The following SLC8A1 variants were observed in gnomAD, a reference collection of about 807,000 sequenced individuals.
The protein encoded by SLC8A1 is solute carrier family 8 member A1.
In SLC8A1, 18 loss-of-function variants were observed where a neutral mutation model predicts 68.3. The observed-to-expected ratio is 0.26, with a 90% CI of 0.18 to 0.39. The LOEUF is 0.39. Ranked by LOEUF, SLC8A1 falls within the 10% of genes least tolerant of loss-of-function variation. The probability of loss-of-function intolerance (pLI) is 1.00; values close to 1 mark genes in which losing one functional copy is unlikely to be tolerated. For synonymous variants in SLC8A1, 475 were observed against 415.5 expected, an observed-to-expected ratio of 1.14 and a Z score of -1.74; for missense variants, 985 against 1,156.7, an observed-to-expected ratio of 0.85 and a Z score of 2.15.
At chr2:40,339,179 T>A (rs146791820) in intron 2 of SLC8A1, among the ~76,000 whole-genome samples, 2 of 152,220 alleles carry the variant, frequency 1.3e-5, no homozygotes, top group East Asian at 3.8e-4. Flanking sequence ...TTAGTAAGCA[T>A]TGAAATGATA....
chr2:40,286,507 C>T lies in SLC8A1; in HGVS notation c.1809-108652G>A, dbSNP rs532543015. ...AAGACAGTTTTGTGACCAGTGAACT[C>T]CGTGGATCAGCCTTTGATGGACAAA... On this transcript the variant is annotated intron_variant, in intron 2 of 7. Transcript: ENST00000406785. 2.7e-3 allele frequency among the ~76,000 whole-genome samples: 414 copies of T among 152,232 alleles called. 1 individual carries two copies. Among genetic ancestry groups the T allele is most frequent in the Middle Eastern group, 0.01 (3 of 294 alleles).
At chr2:40,402,992 CTAAT>C (rs1431757236) in intron 2 of SLC8A1, among the ~76,000 whole-genome samples, 3 of 152,162 alleles carry the variant, frequency 2.0e-5, no homozygotes, top group Admixed American at 6.5e-5. Flanking sequence ...AATTTTTCCC[CTAAT>C]TAGACATTTG....
intron 7 of SLC8A1, among the ~76,000 whole-genome samples, chr2:40,119,446 T>C (rs985880322): frequency 2.0e-5 from 3 of 152,198 alleles, no homozygotes; most frequent in African/African-American, 7.2e-5. Context: ...CCAAATTACC[T>C]TTTATTGCCG....
intron 2 of SLC8A1, among the ~76,000 whole-genome samples, chr2:40,258,308 G>C (rs2064219802): frequency 6.6e-6 from 1 of 152,202 alleles, no homozygotes; most frequent in Non-Finnish European, 1.5e-5. Context: ...GTGCTGGCAT[G>C]CCAAGAGCAA....
intron 2 of SLC8A1, among the ~76,000 whole-genome samples, chr2:40,265,993 C>G (rs1231690321): frequency 2.0e-5 from 3 of 152,098 alleles, no homozygotes; most frequent in Non-Finnish European, 4.4e-5. Flanking sequence ...ATTAATTTCC[C>G]AAGGGGAGCC....
chr2:40,119,444 C>T (rs2125095106), intron 7 of SLC8A1, among the ~76,000 whole-genome samples: 1 of 152,334 alleles, frequency 6.6e-6, no homozygotes, highest in Admixed American at 6.5e-5. Context: ...CCCCAAATTA[C>T]CTTTTATTGC....
At chr2:40,474,790 TATA>T (rs1204542576) in intron 1 of SLC8A1, among the ~76,000 whole-genome samples, 1 of 152,226 alleles carries the variant, frequency 6.6e-6, no homozygotes, top group Non-Finnish European at 1.5e-5. Context: ...TGCTCATGGC[TATA>T]ATGTTAGATC....
At chr2:40,169,263 C>T (rs542476508) in intron 4 of SLC8A1, among the ~76,000 whole-genome samples, 8 of 152,136 alleles carry the variant, frequency 5.3e-5, no homozygotes, top group Non-Finnish European at 8.8e-5. Flanking sequence ...TAAAACTGTA[C>T]AAACAACGTA....
chr2:40,239,931 A>T (rs924427240), intron 2 of SLC8A1, among the ~76,000 whole-genome samples: 5 of 152,216 alleles, frequency 3.3e-5, no homozygotes, highest in African/African-American at 1.2e-4. Context: ...TAAGAAGAGT[A>T]GTTTTCTCAA....
chr2:40,124,919 T>A (rs1476604494), intron 7 of SLC8A1, among the ~76,000 whole-genome samples: 1 of 152,244 alleles, frequency 6.6e-6, no homozygotes, highest in African/African-American at 2.4e-5. Flanking sequence ...ATTTGCTATA[T>A]ATCTGTATAC....
chr2:40,388,981 G>T (rs1300164331), intron 2 of SLC8A1, among the ~76,000 whole-genome samples: 1 of 152,072 alleles, frequency 6.6e-6, no homozygotes, highest in South Asian at 2.1e-4. Flanking sequence ...AAACGTAAGT[G>T]TTCACCTATC....
intron 6 of SLC8A1, among the ~76,000 whole-genome samples, chr2:40,146,304 C>T (rs1294055576): frequency 6.6e-6 from 1 of 152,064 alleles, no homozygotes; most frequent in African/African-American, 2.4e-5. Flanking sequence ...ATTTCTCTGC[C>T]GAATGGTTAC....
intron 1 of SLC8A1, among the ~76,000 whole-genome samples, chr2:40,487,945 G>A (rs1006904848): frequency 3.9e-5 from 6 of 152,122 alleles, no homozygotes; most frequent in African/African-American, 7.2e-5. Context: ...ATGGAAAAAC[G>A]ATACTACCAG....
At chr2:40,140,328 C>G (rs565124478) in intron 6 of SLC8A1, among the ~76,000 whole-genome samples, 1 of 152,330 alleles carries the variant, frequency 6.6e-6, no homozygotes, top group Non-Finnish European at 1.5e-5. Flanking sequence ...ACTAAATGTG[C>G]TTGGCATATC....
At chr2:40,302,567 A>G (rs1448870708) in intron 2 of SLC8A1, among the ~76,000 whole-genome samples, 1 of 148,572 alleles carries the variant, frequency 6.7e-6, no homozygotes, top group African/African-American at 2.5e-5. Context: ...ATATATCTGT[A>G]TAACATATAT....
intron 2 of SLC8A1, among the ~76,000 whole-genome samples, chr2:40,309,384 T>C (rs1345055053): frequency 2.0e-5 from 3 of 151,664 alleles, no homozygotes; most frequent in Admixed American, 2.0e-4. Flanking sequence ...ATAAAAAGGA[T>C]ACGTGTTTTT....
Position 40,397,138 on chromosome 2 carries a change from T to C in SLC8A1, c.1808+31335A>G, listed in dbSNP as rs73928978. Among the ~76,000 whole-genome samples the C allele has an allele frequency of 4.5e-3, 693 of 152,308 alleles. 6 individuals carry two copies. The highest frequency in any genetic ancestry group is 0.016 in the African/African-American group (665 of 41,568). ...GTTGTAGGGATTGAATGAGAACAGA[T>C]ACACAGTGTTTAAAGTAATTCCTGG... On this transcript the variant is annotated intron_variant, in intron 2 of 7. Coordinates refer to ENST00000406785, the Ensembl canonical transcript of SLC8A1.
intron 2 of SLC8A1, among the ~76,000 whole-genome samples, chr2:40,256,672 C>G (rs1019355146): frequency 6.6e-6 from 1 of 151,926 alleles, no homozygotes; most frequent in African/African-American, 2.4e-5. Flanking sequence ...TAATGCTAAG[C>G]CAGGCAATGG....
At chr2:40,194,299 A>G (rs531258231) in intron 2 of SLC8A1, among the ~76,000 whole-genome samples, 1 of 152,268 alleles carries the variant, frequency 6.6e-6, no homozygotes, top group East Asian at 1.9e-4. Flanking sequence ...TACATGGAAA[A>G]TTGCTATCAC....
Sources: gnomAD v4.1 joint callset for allele counts (sites outside exome capture counted in the v4.1 genomes callset) on GRCh38, gnomAD v4.1.1 for gene constraint, MANE v1.5 for transcripts, NCBI Gene and HGNC (gene_info 2026-07-23, HGNC 2026-07-21) for gene names.